The following RCOR1 variants were observed in gnomAD, a reference collection of about 807,000 sequenced individuals.
RCOR1 encodes REST corepressor.
A neutral mutation model predicts 64.0 loss-of-function variants in RCOR1; 12 were observed. The observed-to-expected ratio is 0.19, with a 90% CI of 0.12 to 0.30. The LOEUF (loss-of-function observed/expected upper bound fraction) is 0.30. Among genes scored for constraint, RCOR1 ranks in the 10% least tolerant of loss-of-function variants. RCOR1 has a pLI of 1.00. For missense variants in RCOR1, 502 were observed against 621.2 expected (o/e 0.81, Z 2.04); for synonymous variants, 279 against 227.2 (o/e 1.23, Z -2.05).
intron 2 of RCOR1, among the ~76,000 whole-genome samples, chr14:102,646,231 C>T (rs565904209): frequency 1.3e-5 from 2 of 152,264 alleles, no homozygotes; most frequent in African/African-American, 2.4e-5. Flanking sequence ...GGAGTCTTGC[C>T]ATTAATAAGC....
intron 2 of RCOR1, among the ~76,000 whole-genome samples, chr14:102,678,980 T>A (rs974285044): frequency 2.0e-4 from 31 of 152,360 alleles, no homozygotes; most frequent in African/African-American, 7.5e-4. Context: ...TTGTGTTATT[T>A]TCCTTATTGT....
intron 2 of RCOR1, among the ~76,000 whole-genome samples, chr14:102,664,062 G>T (rs999977828): frequency 2.6e-5 from 4 of 152,106 alleles, no homozygotes; most frequent in African/African-American, 9.7e-5. Context: ...ACATAGATTA[G>T]GCATTAGCTG....
chr14:102,641,929 A>G (rs778008749), intron 2 of RCOR1, among the ~76,000 whole-genome samples: 3 of 152,206 alleles, frequency 2.0e-5, no homozygotes, highest in Non-Finnish European at 4.4e-5. Context: ...GTAGCTTCAT[A>G]GGGAAATCAT....
chr14:102,659,293 C>T (rs1263411497), intron 2 of RCOR1: 36 of 983,026 alleles, frequency 3.7e-5, no homozygotes, highest in African/African-American at 7.0e-5. Context: ...ACAAATGTCT[C>T]ATCTGATCAG....
intron 2 of RCOR1, among the ~76,000 whole-genome samples, chr14:102,593,652 C>T (rs1893181485): frequency 6.6e-6 from 1 of 152,218 alleles, no homozygotes; most frequent in East Asian, 1.9e-4. Context: ...TGAGCTGCGC[C>T]TCGGCCAGGG....
chr14:102,701,702 G>GT (rs1428933540), intron 4 of RCOR1, among the ~76,000 whole-genome samples: 11 of 152,308 alleles, frequency 7.2e-5, no homozygotes, highest in African/African-American at 2.6e-4. Context: ...TACCTAAAGT[G>GT]TTTTAATATT....
intron 2 of RCOR1, among the ~76,000 whole-genome samples, chr14:102,676,309 T>C (rs1406121001): frequency 7.0e-6 from 1 of 142,734 alleles, no homozygotes; most frequent in Non-Finnish European, 1.5e-5. Flanking sequence ...GCCCCTCACC[T>C]CCCGGATGGG....
intron 6 of RCOR1, among the ~76,000 whole-genome samples, chr14:102,709,933 C>T (rs1225352764): frequency 6.6e-6 from 1 of 152,098 alleles, no homozygotes; most frequent in Non-Finnish European, 1.5e-5. Flanking sequence ...GCATTAGTCC[C>T]GATGGGGCCA....
At chr14:102,680,604 G>A (rs1392714649) in intron 2 of RCOR1, among the ~76,000 whole-genome samples, 3 of 152,120 alleles carry the variant, frequency 2.0e-5, no homozygotes, top group African/African-American at 7.2e-5. Context: ...TCAGGAGTTC[G>A]AGACCAGCCT....
intron 2 of RCOR1, among the ~76,000 whole-genome samples, chr14:102,644,318 A>T (rs1287749434): frequency 6.6e-6 from 1 of 152,178 alleles, no homozygotes. Flanking sequence ...CTCCTTTCCG[A>T]TGTAGTCACA....
chr14:102,715,683 C>T (rs1044896125), intron 8 of RCOR1, among the ~76,000 whole-genome samples: 10 of 152,142 alleles, frequency 6.6e-5, no homozygotes, highest in African/African-American at 2.4e-4. Flanking sequence ...CCACACTCGG[C>T]CCTGTTCTGA....
chr14:102,651,502 G>A (rs1040997269), intron 2 of RCOR1, among the ~76,000 whole-genome samples: 6 of 151,104 alleles, frequency 4.0e-5, no homozygotes, highest in Middle Eastern at 3.4e-3. Flanking sequence ...GCAGTGAGCC[G>A]AGATTGCGCC....
chr14:102,712,041 C>T (rs1895971336), intron 7 of RCOR1, among the ~76,000 whole-genome samples: 1 of 151,602 alleles, frequency 6.6e-6, no homozygotes, highest in Non-Finnish European at 1.5e-5. Context: ...GAGACAGGGT[C>T]TCCTGTGTCA....
At position 102,657,416 on chromosome 14, in the gene RCOR1, T is replaced by C. The variant is rs888484807; in HGVS notation, c.362-24479T>C. 1.2e-5 allele frequency: 12 copies of C among 985,362 alleles called. No homozygotes were observed. The Middle Eastern group carries it at 2.6e-3, about 215-fold the overall frequency. 61.0% of individuals were successfully genotyped at this position (985,362 alleles called of 1,614,324 possible). ...GCTAATTTCTTAACTTTTCTGATGA[T>C]GTTTTTGTTGCTTAAGTTAAGACTA... On this transcript the variant is annotated intron_variant, in intron 2 of 11. Coordinates refer to ENST00000262241, the MANE Select transcript of RCOR1 (RefSeq NM_015156.4).
At chr14:102,711,209 A>G (rs568905379) in intron 7 of RCOR1, among the ~76,000 whole-genome samples, 196 bp downstream of exon 7, 45 of 152,380 alleles carry the variant, frequency 3.0e-4, no homozygotes, top group African/African-American at 1.0e-3. Flanking sequence ...GAATAAAGGA[A>G]GGCTTAAAGG....
chr14:102,632,753 C>T (rs539617206), intron 2 of RCOR1, among the ~76,000 whole-genome samples: 3 of 85,522 alleles, frequency 3.5e-5, no homozygotes, highest in Non-Finnish European at 6.9e-5. Flanking sequence ...CCCTCCCCTC[C>T]CCTCCCCTCC....
chr14:102,667,343 A>G (rs1200347787), intron 2 of RCOR1, among the ~76,000 whole-genome samples: 1 of 151,988 alleles, frequency 6.6e-6, no homozygotes, highest in Non-Finnish European at 1.5e-5. Flanking sequence ...TCTACTAAAA[A>G]TATGAAAACT....
intron 3 of RCOR1, among the ~76,000 whole-genome samples, chr14:102,696,756 C>T (rs1240356424): frequency 6.7e-6 from 1 of 150,186 alleles, no homozygotes; most frequent in African/African-American, 2.5e-5. Flanking sequence ...TCTCCTGCTC[C>T]TCTTCCTTCC....
At chr14:102,660,893 T>C (rs906260931) in intron 2 of RCOR1, among the ~76,000 whole-genome samples, 4 of 152,198 alleles carry the variant, frequency 2.6e-5, no homozygotes, top group African/African-American at 4.8e-5. Context: ...CTTGTGTAGA[T>C]TACTATCTCA....
Sources: allele counts gnomAD v4.1 joint callset (sites outside exome capture counted in the v4.1 genomes callset), GRCh38; gene constraint gnomAD v4.1.1; transcripts MANE v1.5; gene names NCBI Gene and HGNC (gene_info 2026-07-23, HGNC 2026-07-21).